Variants in COL21A1 observed in about 807,000 individuals in gnomAD.
The protein encoded by COL21A1 is collagen type XXI alpha 1 chain, also known as collagen alpha-1(XXI) chain.
In COL21A1, 149 loss-of-function variants were observed where a neutral mutation model predicts 137.9. That is an observed-to-expected ratio of 1.08 (90% confidence interval 0.95 to 1.24). COL21A1 has a LOEUF of 1.24. COL21A1 is among the 50% of genes most tolerant of loss of function. The probability of loss-of-function intolerance (pLI) is 0.00; values close to 1 mark genes in which losing one functional copy is unlikely to be tolerated. For missense variants in COL21A1, 1,167 were observed against 1,158.4 expected, an observed-to-expected ratio of 1.01 and a Z score of -0.11; for synonymous variants, 456 against 391.5, an observed-to-expected ratio of 1.16 and a Z score of -1.95.
chr6:56,134,613 C>A (rs1773837063), intron 12 of COL21A1, among the ~76,000 whole-genome samples: 1 of 152,080 alleles, frequency 6.6e-6, no homozygotes. Flanking sequence ...TGGCTATGTC[C>A]CCACCCAAAT....
intron 16 of COL21A1, among the ~76,000 whole-genome samples, chr6:56,122,307 G>T (rs62412806): frequency 0.15 from 22,380 of 150,400 alleles, 1,700 homozygotes; most frequent in Middle Eastern, 0.22. Context: ...ATGGGCATGC[G>T]GTTTCTTTTT....
intron 16 of COL21A1, among the ~76,000 whole-genome samples, chr6:56,102,403 T>C (rs1770537078): frequency 6.6e-6 from 1 of 152,164 alleles, no homozygotes; most frequent in Non-Finnish European, 1.5e-5. Context: ...AGCAAAATGC[T>C]GCATCACAAC....
At chr6:56,322,392 G>A (rs988602796) in intron 1 of COL21A1, among the ~76,000 whole-genome samples, 5 of 152,060 alleles carry the variant, frequency 3.3e-5, no homozygotes, top group Admixed American at 2.6e-4. Flanking sequence ...TTCTTCAAGC[G>A]TCTCAACAAC....
At chr6:56,253,266 G>A (rs935114431) in intron 1 of COL21A1, among the ~76,000 whole-genome samples, 1 of 152,210 alleles carries the variant, frequency 6.6e-6, no homozygotes, top group Non-Finnish European at 1.5e-5. Flanking sequence ...TTACAGGAGT[G>A]ATTGTAGTAG....
At chr6:56,120,963 A>C (rs929547208) in intron 16 of COL21A1, among the ~76,000 whole-genome samples, 1 of 152,168 alleles carries the variant, frequency 6.6e-6, no homozygotes, top group Non-Finnish European at 1.5e-5. Flanking sequence ...AAGTCACCTA[A>C]GTATCCATCA....
At chr6:56,059,064 A>G (rs1765567008) in intron 29 of COL21A1, 101 bp downstream of exon 29, 1 of 878,494 alleles carries the variant, frequency 1.1e-6, no homozygotes. Context: ...CTCAAAAAAG[A>G]AAACAGATGT....
rs1772777906 is a variant in COL21A1 at position 56,123,932 on chromosome 6, C to T, written c.1758+130G>A. ...GCATTTTTAAATTACACGTAAAAAA[C>T]CTTTTAGCTCATGAATTTTATCCCA... On this transcript the variant is annotated intron_variant, in intron 16 of 29. Coordinates refer to ENST00000244728, the MANE Select transcript of COL21A1 (RefSeq NM_030820.4). The T allele has an allele frequency of 5.4e-6, 4 of 743,360 alleles. No homozygotes were observed. In the African/African-American group the frequency reaches 5.5e-5, roughly 10 times the overall value. The allele number at this position is 743,360 out of a possible 1,614,324, so 46.0% of individuals were successfully genotyped here.
At chr6:56,148,970 C>T (rs1215646883) in intron 10 of COL21A1, among the ~76,000 whole-genome samples, 1 of 152,184 alleles carries the variant, frequency 6.6e-6, no homozygotes, top group Non-Finnish European at 1.5e-5. Context: ...GCAGGGCTGT[C>T]ATCTCTCTCA....
chr6:56,173,237 G>T (rs1777201218), intron 3 of COL21A1, among the ~76,000 whole-genome samples: 1 of 152,082 alleles, frequency 6.6e-6, no homozygotes, highest in South Asian at 2.1e-4. Context: ...AATTAGCCAT[G>T]CATGGTGGCA....
At position 56,372,989 on chromosome 6, in the gene COL21A1, C is replaced by T. The variant is rs373621566; in HGVS notation, c.-39+20982G>A. 2.8e-4 allele frequency among the ~76,000 whole-genome samples: 43 copies of T among 152,178 alleles called. No individual in the cohort carries two copies. In the South Asian group the frequency reaches 8.1e-3, roughly 29 times the overall value. ...ATCTGGCATATAACCCAGACTACCC[C>T]TAAATTTGGAGCTAGAAAGCAAAAT... On this transcript the variant is annotated intron_variant, in intron 1 of 28. Coordinates refer to the COL21A1 transcript ENST00000370819.
At chr6:56,299,588 T>C (rs1326635877) in intron 1 of COL21A1, among the ~76,000 whole-genome samples, 1 of 152,088 alleles carries the variant, frequency 6.6e-6, no homozygotes, top group Admixed American at 6.6e-5. Flanking sequence ...TACAGACTCA[T>C]ATGAAAAAAA....
chr6:56,193,858 G>A (rs1218967149), intron 1 of COL21A1, among the ~76,000 whole-genome samples: 3 of 151,914 alleles, frequency 2.0e-5, no homozygotes, highest in East Asian at 1.9e-4. Context: ...AGGCTCAAGC[G>A]ATTCTCCTCC....
intron 1 of COL21A1, among the ~76,000 whole-genome samples, chr6:56,241,500 T>A (rs1782322198): frequency 6.6e-6 from 1 of 152,194 alleles, no homozygotes; most frequent in South Asian, 2.1e-4. Context: ...CTCAGCCTAG[T>A]GTTGCTAGCT....
At chr6:56,171,938 C>G (rs1466895295) in intron 3 of COL21A1, among the ~76,000 whole-genome samples, 2 of 151,512 alleles carry the variant, frequency 1.3e-5, no homozygotes, top group East Asian at 3.9e-4. Flanking sequence ...AATCAGCAAA[C>G]TCAATAATTG....
chr6:56,141,695 G>T, intron 12 of COL21A1, 90 bp downstream of exon 12: 1 of 1,363,978 alleles, frequency 7.3e-7, no homozygotes, highest in Non-Finnish European at 1.0e-6. Flanking sequence ...AATTCACCAA[G>T]ACGCAGACTA....
intron 24 of COL21A1, among the ~76,000 whole-genome samples, chr6:56,062,348 C>T (rs1161317342): frequency 6.6e-6 from 1 of 152,104 alleles, no homozygotes; most frequent in African/African-American, 2.4e-5. Context: ...CCATTAAAGT[C>T]TCTCCCACTC....
intron 1 of COL21A1, among the ~76,000 whole-genome samples, chr6:56,276,319 T>A (rs1457625743): frequency 6.6e-6 from 1 of 152,154 alleles, no homozygotes; most frequent in Non-Finnish European, 1.5e-5. Context: ...CTCAGCATCA[T>A]GCAATAGAGC....
intron 3 of COL21A1, among the ~76,000 whole-genome samples, chr6:56,173,365 G>A (rs1777209986): frequency 6.6e-6 from 1 of 150,728 alleles, no homozygotes; most frequent in African/African-American, 2.4e-5. Flanking sequence ...GCAACAGAAT[G>A]AGACAAAGGA....
Position 56,126,119 on chromosome 6 carries a change from G to A in COL21A1, c.1573C>T (p.Leu525Phe), listed in dbSNP as rs919395065. ...ACCTTTGATCCTGGCATGCCATGAAGCCCAGGAAAACCAGGAAGTCCACGA... is the reference window on the plus strand; with the variant it reads ...ACCTTTGATCCTGGCATGCCATGAAACCCAGGAAAACCAGGAAGTCCACGA... ...GDRGLPGFPG[L>F]HGMPGSKGEM... Residue 525 changes from leucine (L) to phenylalanine (F), a missense_variant, in exon 13 of 30, where the codon CTT (leucine) becomes TTT (phenylalanine). Coordinates refer to ENST00000244728, the MANE Select transcript of COL21A1 (RefSeq NM_030820.4). 1.3e-6 allele frequency: 2 copies of A among 1,548,456 alleles called. No homozygotes were observed. Among genetic ancestry groups the A allele is most frequent in the Non-Finnish European group, 1.7e-6 (2 of 1,145,244 alleles).
Sources: allele counts gnomAD v4.1 joint callset (sites outside exome capture counted in the v4.1 genomes callset), GRCh38; gene constraint gnomAD v4.1.1; transcripts MANE v1.5; gene names NCBI Gene and HGNC (gene_info 2026-07-23, HGNC 2026-07-21).